Variants in CYP7B1 observed in about 807,000 individuals in gnomAD.
CYP7B1 encodes the protein cytochrome P450 family 7 subfamily B member 1, also known as cytochrome P450 7B1.
CYP7B1 carries 29 observed loss-of-function variants against 42.7 expected under a neutral mutation model. The observed-to-expected ratio is 0.68, with a 90% CI of 0.51 to 0.93. CYP7B1 has a LOEUF of 0.93. Ranked by LOEUF, CYP7B1 falls within the 40% of genes least tolerant of loss-of-function variation. CYP7B1 has a pLI of 0.00. For synonymous variants in CYP7B1, 235 were observed against 218.2 expected (o/e 1.08, Z -0.68); for missense variants, 655 against 600.5 (o/e 1.09, Z -0.95).
chr8:64,700,615 A>G (rs1474188050), intron 1 of CYP7B1, among the ~76,000 whole-genome samples: 2 of 152,138 alleles, frequency 1.3e-5, no homozygotes, highest in Non-Finnish European at 2.9e-5. Flanking sequence ...AGAGGTGTGG[A>G]CTTCATGGGA....
At chr8:64,689,394 A>G (rs113634287) in intron 1 of CYP7B1, among the ~76,000 whole-genome samples, 9 of 152,364 alleles carry the variant, frequency 5.9e-5, no homozygotes, top group African/African-American at 1.9e-4. Context: ...ACTTGCAGGC[A>G]TGTATGAGAA....
intron 1 of CYP7B1, among the ~76,000 whole-genome samples, chr8:64,786,936 C>T (rs1321684154): frequency 6.6e-6 from 1 of 152,244 alleles, no homozygotes; most frequent in African/African-American, 2.4e-5. Flanking sequence ...GCTGCCAAAA[C>T]TTGAGGCTTG....
At chr8:64,622,222 A>C (rs1293716497) in intron 2 of CYP7B1, among the ~76,000 whole-genome samples, 3 of 151,662 alleles carry the variant, frequency 2.0e-5, no homozygotes, top group Non-Finnish European at 2.9e-5. Context: ...TTGCATAATA[A>C]AGCATTGAAA....
chr8:64,748,433 C>T (rs1462929027), intron 1 of CYP7B1, among the ~76,000 whole-genome samples: 1 of 152,122 alleles, frequency 6.6e-6, no homozygotes, highest in Non-Finnish European at 1.5e-5. Flanking sequence ...CTTCTCAGTC[C>T]TTTTGGTACT....
chr8:64,772,810 C>T (rs1402136575), intron 1 of CYP7B1, among the ~76,000 whole-genome samples: 3 of 152,116 alleles, frequency 2.0e-5, no homozygotes, highest in Non-Finnish European at 2.9e-5. Context: ...TATGTAGTTC[C>T]CTCACTTCAC....
chr8:64,793,878 A>G (rs912794612), intron 1 of CYP7B1, among the ~76,000 whole-genome samples: 7 of 152,178 alleles, frequency 4.6e-5, no homozygotes. Context: ...AACCACTGGT[A>G]AATGTCTTAC....
chr8:64,705,099 C>G (rs1806973620), intron 1 of CYP7B1, among the ~76,000 whole-genome samples: 1 of 151,942 alleles, frequency 6.6e-6, no homozygotes, highest in Non-Finnish European at 1.5e-5. Flanking sequence ...TAAGTCACCT[C>G]CTCCTTTTAT....
chr8:64,690,223 C>A (rs1016145741), intron 1 of CYP7B1, among the ~76,000 whole-genome samples: 1 of 152,122 alleles, frequency 6.6e-6, no homozygotes, highest in African/African-American at 2.4e-5. Context: ...ATAGCAAAAT[C>A]CCATCTCTAC....
chr8:64,706,656 A>G (rs778283858), intron 1 of CYP7B1, among the ~76,000 whole-genome samples: 3 of 152,008 alleles, frequency 2.0e-5, no homozygotes, highest in Non-Finnish European at 4.4e-5. Context: ...ATCCCTTATT[A>G]AAAATAGTAA....
intron 1 of CYP7B1, among the ~76,000 whole-genome samples, chr8:64,783,969 T>C (rs903129642): frequency 2.6e-5 from 4 of 152,214 alleles, no homozygotes; most frequent in Admixed American, 2.0e-4. Context: ...AAAAATCCTT[T>C]AGGTTTGTAT....
intron 1 of CYP7B1, among the ~76,000 whole-genome samples, chr8:64,639,736 ACCTAACAATTCCACTTCTAATTATC>A: frequency 6.6e-6 from 1 of 152,246 alleles, no homozygotes; most frequent in African/African-American, 2.4e-5. Flanking sequence ...AAAATATGTG[ACCTAACAATTCCACTTCTAATTATC>A]TCTACCCAAG....
intron 2 of CYP7B1, 40 bp from the exon 3 acceptor site, chr8:64,616,321 G>C: frequency 7.8e-7 from 1 of 1,283,380 alleles, no homozygotes; most frequent in Non-Finnish European, 1.1e-6. Context: ...GAGTTCGTTT[G>C]TTAATAAAAC....
intron 1 of CYP7B1, among the ~76,000 whole-genome samples, chr8:64,750,545 C>G (rs1311428051): frequency 6.6e-6 from 1 of 152,176 alleles, no homozygotes; most frequent in Admixed American, 6.5e-5. Flanking sequence ...TTGATCCAAG[C>G]ACATAAATAT....
chr8:64,719,517 C>T (rs1807207386), intron 1 of CYP7B1, among the ~76,000 whole-genome samples: 1 of 152,182 alleles, frequency 6.6e-6, no homozygotes, highest in Non-Finnish European at 1.5e-5. Flanking sequence ...CTACACGCTG[C>T]CTTTGGGTTC....
intron 1 of CYP7B1, among the ~76,000 whole-genome samples, chr8:64,713,148 A>G (rs189281917): frequency 1.3e-3 from 203 of 152,276 alleles, no homozygotes; most frequent in Non-Finnish European, 2.3e-3. Flanking sequence ...AATTGTTGGT[A>G]TATGTGTAGT....
intron 1 of CYP7B1, among the ~76,000 whole-genome samples, chr8:64,629,661 C>A (rs1270629201): frequency 6.6e-6 from 1 of 152,034 alleles, no homozygotes; most frequent in Non-Finnish European, 1.5e-5. Flanking sequence ...CGTTCTTTGA[C>A]TTACTTTGGC....
chr8:64,774,580 A>T (rs1804289806), intron 1 of CYP7B1, among the ~76,000 whole-genome samples: 1 of 152,202 alleles, frequency 6.6e-6, no homozygotes, highest in Admixed American at 6.5e-5. Context: ...TTGTTAAGCA[A>T]CCTTGAATTA....
chr8:64,673,130 T>A (rs1473307825), intron 1 of CYP7B1, among the ~76,000 whole-genome samples: 1 of 152,148 alleles, frequency 6.6e-6, no homozygotes, highest in Non-Finnish European at 1.5e-5. Context: ...CCATCTTTTG[T>A]GGGTGCTGGT....
intron 4 of CYP7B1, among the ~76,000 whole-genome samples, chr8:64,610,634 T>C (rs931626997): frequency 6.6e-6 from 1 of 152,132 alleles, no homozygotes; most frequent in African/African-American, 2.4e-5. Context: ...TCTAAAACTA[T>C]TCTAAAATAA....
Sources: gnomAD v4.1 joint callset for allele counts (sites outside exome capture counted in the v4.1 genomes callset) on GRCh38, gnomAD v4.1.1 for gene constraint, MANE v1.5 for transcripts, NCBI Gene and HGNC (gene_info 2026-07-23, HGNC 2026-07-21) for gene names.